SPAG16: variants seen among roughly 807,000 people sequenced by gnomAD.
SPAG16 encodes the protein sperm associated antigen 16, also known as sperm-associated antigen 16 protein.
SPAG16 carries 86 observed loss-of-function variants against 80.4 expected under a neutral mutation model. The observed-to-expected ratio is 1.07, with a 90% confidence interval of 0.90 to 1.28. The LOEUF (loss-of-function observed/expected upper bound fraction) is 1.28. Ranked by LOEUF, SPAG16 falls within the 50% of genes most tolerant of loss-of-function variation. The probability of loss-of-function intolerance (pLI) is 0.00; values close to 1 mark genes in which losing one functional copy is unlikely to be tolerated. For synonymous variants in SPAG16, 294 were observed against 265.9 expected, an observed-to-expected ratio of 1.11 and a Z score of -1.03; for missense variants, 870 against 765.3, an observed-to-expected ratio of 1.14 and a Z score of -1.61.
At chr2:213,737,620 T>C (rs920269372) in intron 10 of SPAG16, among the ~76,000 whole-genome samples, 2 of 151,936 alleles carry the variant, frequency 1.3e-5, no homozygotes, top group African/African-American at 4.8e-5. Flanking sequence ...CCCGAGTAGC[T>C]GGGACTATAG....
chr2:214,022,179 C>T (rs1486447727), intron 13 of SPAG16, among the ~76,000 whole-genome samples: 1 of 152,140 alleles, frequency 6.6e-6, no homozygotes, highest in African/African-American at 2.4e-5. Flanking sequence ...AATTAGCTAA[C>T]ATTTCGTGTA....
intron 12 of SPAG16, among the ~76,000 whole-genome samples, chr2:213,974,328 TTA>T (rs1457743884): frequency 6.6e-6 from 1 of 152,054 alleles, no homozygotes; most frequent in Non-Finnish European, 1.5e-5. Flanking sequence ...ATACATAAAA[TTA>T]TATATACAAT....
At chr2:213,890,253 G>A (rs911605310) in intron 11 of SPAG16, among the ~76,000 whole-genome samples, 2 of 151,956 alleles carry the variant, frequency 1.3e-5, no homozygotes, top group East Asian at 1.9e-4. Context: ...GAAAACACCC[G>A]AATATAGAAC....
intron 9 of SPAG16, among the ~76,000 whole-genome samples, chr2:213,467,481 A>G (rs549452198): frequency 3.3e-5 from 5 of 152,286 alleles, no homozygotes; most frequent in Admixed American, 2.0e-4. Context: ...AGGTTTCCCC[A>G]ACTGCAAGTG....
At chr2:214,110,704 A>G (rs925534296) in intron 14 of SPAG16, among the ~76,000 whole-genome samples, 1 of 152,234 alleles carries the variant, frequency 6.6e-6, no homozygotes, top group Non-Finnish European at 1.5e-5. Flanking sequence ...TCCTTGAGGA[A>G]TCGCCACATT....
intron 15 of SPAG16, among the ~76,000 whole-genome samples, chr2:214,352,773 ATAAAC>A (rs1559235710): frequency 6.6e-6 from 1 of 152,074 alleles, no homozygotes; most frequent in Non-Finnish European, 1.5e-5. Context: ...TGCTGGCTAC[ATAAAC>A]TAAACTATTT....
chr2:213,536,322 G>A (rs1313405011), intron 10 of SPAG16, among the ~76,000 whole-genome samples: 1 of 151,924 alleles, frequency 6.6e-6, no homozygotes, highest in Non-Finnish European at 1.5e-5. Context: ...AATCACTGAG[G>A]GTAGATACAT....
chr2:213,732,699 A>G (rs1189826962), intron 10 of SPAG16, among the ~76,000 whole-genome samples: 1 of 152,166 alleles, frequency 6.6e-6, no homozygotes, highest in East Asian at 1.9e-4. Context: ...CTTCCTATCC[A>G]TGAGCATGGA....
chr2:213,351,825 T>C (rs1458595757), intron 7 of SPAG16, among the ~76,000 whole-genome samples: 1 of 152,212 alleles, frequency 6.6e-6, no homozygotes, highest in East Asian at 1.9e-4. Flanking sequence ...TAATTTTGTG[T>C]TTTGAATGTT....
chr2:214,185,598 A>G (rs993898756), intron 15 of SPAG16, among the ~76,000 whole-genome samples: 20 of 152,218 alleles, frequency 1.3e-4, no homozygotes, highest in Admixed American at 1.2e-3. Flanking sequence ...ACATAAATGT[A>G]TTTTTTAAAT....
At chr2:213,496,314 T>A (rs545354545) in intron 10 of SPAG16, among the ~76,000 whole-genome samples, 4 of 152,254 alleles carry the variant, frequency 2.6e-5, no homozygotes, top group African/African-American at 9.6e-5. Flanking sequence ...TCCAAGGTTT[T>A]TGGCCTGAGA....
At chr2:213,593,919 C>T (rs929295559) in intron 10 of SPAG16, among the ~76,000 whole-genome samples, 2 of 151,092 alleles carry the variant, frequency 1.3e-5, no homozygotes, top group African/African-American at 2.4e-5. Flanking sequence ...GGAGTACAGG[C>T]GCCCACCACC....
chr2:213,532,397 A>G (rs774122549), intron 10 of SPAG16, among the ~76,000 whole-genome samples: 5 of 152,076 alleles, frequency 3.3e-5, no homozygotes, highest in African/African-American at 4.8e-5. Flanking sequence ...CTTCAAGGCA[A>G]TTGACATTAT....
chr2:214,082,192 A>G (rs1408079501), intron 13 of SPAG16, among the ~76,000 whole-genome samples: 3 of 151,912 alleles, frequency 2.0e-5, no homozygotes, highest in Non-Finnish European at 4.4e-5. Context: ...TCTGGCTCCT[A>G]CTGCTCTAAT....
At chr2:213,296,754 A>C (rs1228116808) in intron 2 of SPAG16, among the ~76,000 whole-genome samples, 1 of 152,228 alleles carries the variant, frequency 6.6e-6, no homozygotes, top group Non-Finnish European at 1.5e-5. Flanking sequence ...GAATGAGTTA[A>C]TAAATGTAAA....
chr2:213,841,713 A>G (rs1477509012), intron 10 of SPAG16, among the ~76,000 whole-genome samples: 3 of 152,182 alleles, frequency 2.0e-5, no homozygotes, highest in Non-Finnish European at 2.9e-5. Flanking sequence ...TTGTAGACCA[A>G]TTATAGCTGT....
chr2:213,735,961 T>C (rs1266520335), intron 10 of SPAG16, among the ~76,000 whole-genome samples: 1 of 152,190 alleles, frequency 6.6e-6, no homozygotes, highest in African/African-American at 2.4e-5. Flanking sequence ...GAGATACCAC[T>C]ATCCTAATGA....
chr2:213,640,700 T>C (rs938228492), intron 10 of SPAG16, among the ~76,000 whole-genome samples: 7 of 152,194 alleles, frequency 4.6e-5, no homozygotes, highest in Non-Finnish European at 1.0e-4. Flanking sequence ...AGTTGTTTAG[T>C]CCACTGTCTT....
intron 13 of SPAG16, among the ~76,000 whole-genome samples, chr2:214,086,280 A>C (rs1576126279): frequency 6.6e-6 from 1 of 152,300 alleles, no homozygotes; most frequent in East Asian, 1.9e-4. Context: ...TTTTTCTTCG[A>C]AACTTCATAG....
Sources: gnomAD v4.1 joint callset for allele counts (sites outside exome capture counted in the v4.1 genomes callset) on GRCh38, gnomAD v4.1.1 for gene constraint, MANE v1.5 for transcripts, NCBI Gene and HGNC (gene_info 2026-07-23, HGNC 2026-07-21) for gene names.